Variants in THBS2 observed in about 807,000 individuals in gnomAD.
THBS2 encodes the protein thrombospondin-2.
Under a neutral mutation model 135.2 loss-of-function variants are expected in THBS2, and 47 were observed. That is an observed-to-expected ratio of 0.35 (90% CI 0.28 to 0.44). The LOEUF is 0.44. Among genes scored for constraint, THBS2 ranks in the 20% least tolerant of loss-of-function variants. The probability of loss-of-function intolerance (pLI) is 1.00; values close to 1 mark genes in which losing one functional copy is unlikely to be tolerated. For missense variants in THBS2, 1,288 were observed against 1,603.1 expected (o/e 0.80, Z 3.36); for synonymous variants, 639 against 633.8 (o/e 1.01, Z -0.12).
chr6:169,242,040 C>G, intron 4 of THBS2, 82 bp from the exon 5 acceptor site: 1 of 1,473,992 alleles, frequency 6.8e-7, no homozygotes, highest in Non-Finnish European at 9.1e-7. Context: ...GAGGATGACC[C>G]GCCCTGGCTC....
Position 169,222,278 on chromosome 6 carries a change from G to A in THBS2, c.3192C>T (p.Ser1064=). Residue 1064 remains serine (S), a synonymous_variant, in exon 19 of 22, where the codon TCC becomes TCT. Transcript: ENST00000617924. The stretch of plus-strand genomic sequence containing the variant: ...CCGTGGTGGAGTTCACCACCTTGAG[G>A]GACACGCCGGAGTAGCCATAGGCCC... ...PTRAYGYSGV[S]LKVVNSTTGT... is the part of the protein sequence containing the mutation. The A allele has an allele frequency of 6.2e-7, 1 of 1,613,298 alleles. No individual in the cohort carries two copies. Among genetic ancestry groups the A allele is most frequent in the Non-Finnish European group, 8.5e-7 (1 of 1,180,030 alleles).
intron 20 of THBS2, among the ~76,000 whole-genome samples, chr6:169,220,902 G>A (rs982569469): frequency 3.3e-5 from 5 of 152,320 alleles, no homozygotes; most frequent in African/African-American, 1.2e-4. Flanking sequence ...TGGCATCTGT[G>A]CAGAGTCCAG....
chr6:169,229,294 A>G (rs1196583103), intron 14 of THBS2, among the ~76,000 whole-genome samples: 1 of 152,258 alleles, frequency 6.6e-6, no homozygotes, highest in Non-Finnish European at 1.5e-5. Flanking sequence ...CTGGCTCCTC[A>G]GCAGAAGGAG....
At chr6:169,231,959 C>T (rs1779851972) in intron 13 of THBS2, 21 bp downstream of exon 13, 1 of 1,611,750 alleles carries the variant, frequency 6.2e-7, no homozygotes, top group African/African-American at 1.3e-5. Context: ...CCCCGTGTGC[C>T]CTGCGAGCCC....
intron 1 of THBS2, among the ~76,000 whole-genome samples, chr6:169,251,084 G>T (rs1010952847): frequency 6.6e-6 from 1 of 152,120 alleles, no homozygotes; most frequent in Non-Finnish European, 1.5e-5. Flanking sequence ...AGCCTGGGAG[G>T]TATGTGCTGC....
At chr6:169,226,561 G>A (rs751017799) in intron 15 of THBS2, among the ~76,000 whole-genome samples, 10 of 152,308 alleles carry the variant, frequency 6.6e-5, no homozygotes, top group Middle Eastern at 3.4e-3. Context: ...TGTTGCAGGA[G>A]GGGTAGTTGA....
At chr6:169,245,922 C>A (rs1780540901) in intron 4 of THBS2, 1 of 295,990 alleles carries the variant, frequency 3.4e-6, no homozygotes, top group Non-Finnish European at 6.3e-6. Context: ...TATTAAAGCA[C>A]CAGCTATTTA....
At position 169,236,864 on chromosome 6, in the gene THBS2, A is replaced by G. The variant is rs572029983; in HGVS notation, c.1477+306T>C. Among the ~76,000 whole-genome samples, 10 of 152,048 alleles carry G rather than the reference A, an allele frequency of 6.6e-5. No individual in the cohort carries two copies. In the East Asian group the frequency reaches 1.5e-3, roughly 24 times the overall value. ...CATCCACACTCACTCCCCCATCCAC[A>G]CTCACTCCCATGACAGAGCTGCGGT... On this transcript the variant is annotated intron_variant, in intron 9 of 21. Transcript: ENST00000617924.
At position 169,228,216 on chromosome 6, in the gene THBS2, G is replaced by A. The variant is rs1779710754; in HGVS notation, c.2325C>T (p.Arg775=). 6.2e-7 allele frequency: 1 copy of A among 1,614,190 alleles called. No homozygotes were observed. Among genetic ancestry groups the A allele is most frequent in the African/African-American group, 1.3e-5 (1 of 75,050 alleles). Residue 775 remains arginine, a synonymous_variant, in exon 15 of 22, where the codon CGC becomes CGT. Coordinates refer to ENST00000617924, the MANE Select transcript of THBS2 (RefSeq NM_003247.5). The part of the protein sequence containing the change: ...ADYDKDEVGD[R]CDNCPYVHNP... ...TGTGCACGTAAGGGCAGTTGTCACA[G>A]CGGTCCCCAACCTCATCCTTGTCAT...
rs372025449 is a variant in THBS2, at chr6:169,241,400, GGTGTGTGT to G, written c.891+354_891+361del. Among the ~76,000 whole-genome samples, 19,137 of 150,910 alleles carry G rather than the reference GGTGTGTGT, an allele frequency of 0.13. 1,450 individuals carry two copies. Among genetic ancestry groups the G allele is most frequent in the South Asian group, 0.19 (907 of 4,762 alleles). ...TGAAATAAAATTATTTTCCTCTGCA[GGTGTGTGT>G]GTGTGTGTATGTGTGTGTATGTGTG... On this transcript the variant is annotated intron_variant, in intron 5 of 21. Coordinates refer to ENST00000617924, the MANE Select transcript of THBS2 (RefSeq NM_003247.5). The surrounding 1 kb of genome is among the most constrained non-coding windows in gnomAD (Gnocchi z 5.5).
intron 4 of THBS2, among the ~76,000 whole-genome samples, chr6:169,245,399 T>G (rs1162288060): frequency 6.6e-6 from 1 of 152,210 alleles, no homozygotes; most frequent in Admixed American, 6.5e-5. Flanking sequence ...GGAAATATGA[T>G]TCACAATTGT....
chr6:169,232,084 C>G lies in THBS2; in HGVS notation c.2047G>C (p.Gly683Arg). ...DPMYKCECQT[G>R]YAGDGLICGE... Reference sequence around the variant, plus strand: ...CAGATGAGCCCGTCGCCCGCGTAGCCTGTCTGGCACTCGCACTTGTACATG... The same window carrying G: ...CAGATGAGCCCGTCGCCCGCGTAGCGTGTCTGGCACTCGCACTTGTACATG... Residue 683 changes from glycine to arginine, a missense_variant, in exon 13 of 22, where the codon GGC becomes CGC. Gly to Arg is a moderately radical substitution (Grantham distance 125). Transcript: ENST00000617924. The G allele has an allele frequency of 6.2e-7, 1 of 1,614,130 alleles. No individual in the cohort carries two copies.
intron 13 of THBS2, among the ~76,000 whole-genome samples, 196 bp downstream of exon 13, chr6:169,231,784 G>T (rs565543616): frequency 1.3e-5 from 2 of 152,344 alleles, no homozygotes; most frequent in South Asian, 4.1e-4. Flanking sequence ...GCGCCAGAGT[G>T]TGCCTGTGTC....
At chr6:169,242,144 G>A (rs1022857431) in intron 4 of THBS2, among the ~76,000 whole-genome samples, 186 bp from the exon 5 acceptor site, 4 of 152,174 alleles carry the variant, frequency 2.6e-5, no homozygotes, top group African/African-American at 9.7e-5. Context: ...CTGGCTCCCA[G>A]AGTGGCCTGG....
chr6:169,246,325 T>C (rs746755709), intron 3 of THBS2, 44 bp from the exon 4 acceptor site: 1 of 1,489,010 alleles, frequency 6.7e-7, no homozygotes, highest in Admixed American at 1.7e-5. Context: ...CAGATAAACA[T>C]CCAATGTTTG....
intron 21 of THBS2, among the ~76,000 whole-genome samples, chr6:169,219,363 A>AG: frequency 2.9e-5 from 3 of 104,642 alleles, no homozygotes; most frequent in African/African-American, 7.8e-5. Flanking sequence ...TGGTTGGGTG[A>AG]ATGGATGAGA....
intron 2 of THBS2, among the ~76,000 whole-genome samples, chr6:169,249,846 T>A (rs745573533): frequency 9.9e-5 from 15 of 152,114 alleles, no homozygotes; most frequent in Non-Finnish European, 2.2e-4. Flanking sequence ...ATGGCTAACG[T>A]GGTGAAACCC....
chr6:169,248,171 GTGTT>G (rs1387286396), intron 3 of THBS2, among the ~76,000 whole-genome samples: 18 of 151,872 alleles, frequency 1.2e-4, no homozygotes, highest in Non-Finnish European at 2.4e-4. Context: ...GTGAGCATGT[GTGTT>G]TGTGTGTGTG....
intron 21 of THBS2, among the ~76,000 whole-genome samples, chr6:169,218,984 G>GTGGA (rs1264879189): frequency 6.8e-6 from 1 of 146,550 alleles, no homozygotes; most frequent in Non-Finnish European, 1.5e-5. Flanking sequence ...GGGTGGATGA[G>GTGGA]TGGATGGATG....
Sources: allele counts gnomAD v4.1 joint callset (sites outside exome capture counted in the v4.1 genomes callset), GRCh38; gene constraint gnomAD v4.1.1; non-coding constraint Gnocchi (gnomAD v3.1); transcripts MANE v1.5; gene names NCBI Gene and HGNC (gene_info 2026-07-23, HGNC 2026-07-21).